Variants in ZNF516 observed in about 807,000 individuals in gnomAD.
The protein encoded by ZNF516 is zinc finger protein 516.
Under a neutral mutation model 79.7 loss-of-function variants are expected in ZNF516, and 19 were observed. The ratio of observed to expected loss-of-function variants is 0.24; its 90% confidence interval spans 0.17 to 0.35. The LOEUF (loss-of-function observed/expected upper bound fraction) is 0.35. Among genes scored for constraint, ZNF516 ranks in the 10% least tolerant of loss-of-function variants. ZNF516 has a pLI of 1.00. For synonymous variants in ZNF516, 877 were observed against 739.5 expected, an observed-to-expected ratio of 1.19 and a Z score of -3.02; for missense variants, 1,678 against 1,679.5, an observed-to-expected ratio of 1.00 and a Z score of 0.02.
chr18:76,474,130 C>T (rs1054380205), intron 1 of ZNF516, among the ~76,000 whole-genome samples: 1 of 151,968 alleles, frequency 6.6e-6, no homozygotes, highest in African/African-American at 2.4e-5. Flanking sequence ...CAGTGAATAC[C>T]TGAAAAGACA....
At chr18:76,408,389 C>T (rs2050187193) in intron 3 of ZNF516, among the ~76,000 whole-genome samples, 1 of 152,206 alleles carries the variant, frequency 6.6e-6, no homozygotes. Context: ...CAGCGACACA[C>T]TTGAGACCCT....
intron 3 of ZNF516, among the ~76,000 whole-genome samples, chr18:76,440,747 T>TGTGC (rs2075804824): frequency 1.4e-5 from 2 of 140,240 alleles, no homozygotes; most frequent in African/African-American, 5.5e-5. Context: ...TGTGTTTGTG[T>TGTGC]GTGTGTGTGT....
intron 1 of ZNF516, chr18:76,490,750 G>A (rs1915129426): frequency 2.0e-6 from 2 of 985,198 alleles, no homozygotes; most frequent in Non-Finnish European, 1.2e-6. Flanking sequence ...TGTGTAAGTA[G>A]GATCCCCACT....
chr18:76,450,138 G>A (rs9951967), intron 2 of ZNF516, among the ~76,000 whole-genome samples: 3,851 of 138,714 alleles, frequency 0.028, 67 homozygotes, highest in Middle Eastern at 0.044. Context: ...AGAGAGAGAC[G>A]GAGAGAAGGC....
intron 4 of ZNF516, among the ~76,000 whole-genome samples, chr18:76,376,258 G>A (rs1306835834): frequency 6.6e-6 from 1 of 152,182 alleles, no homozygotes; most frequent in Non-Finnish European, 1.5e-5. Context: ...CAGGTGCACT[G>A]ACCAAGTATC....
intron 1 of ZNF516, among the ~76,000 whole-genome samples, chr18:76,486,997 T>C (rs1374806115): frequency 6.6e-6 from 1 of 152,216 alleles, no homozygotes; most frequent in Admixed American, 6.5e-5. Context: ...TTTTTCCTAC[T>C]CTCCTGCTTG....
intron 3 of ZNF516, among the ~76,000 whole-genome samples, chr18:76,403,758 T>G (rs2075262694): frequency 6.6e-6 from 1 of 152,204 alleles, no homozygotes; most frequent in South Asian, 2.1e-4. Flanking sequence ...GCGAAACACA[T>G]TACAAGGGCC....
At chr18:76,486,596 G>C (rs909582841) in intron 1 of ZNF516, among the ~76,000 whole-genome samples, 7 of 149,642 alleles carry the variant, frequency 4.7e-5, no homozygotes, top group Non-Finnish European at 8.9e-5. Flanking sequence ...AAAAAAGCAA[G>C]AAAATAACAG....
chr18:76,438,682 A>AT (rs1236831860), intron 3 of ZNF516, among the ~76,000 whole-genome samples: 4 of 152,362 alleles, frequency 2.6e-5, no homozygotes, highest in South Asian at 4.1e-4. Context: ...AACATGTTCC[A>AT]TAAAAAAAAA....
intron 1 of ZNF516, chr18:76,490,708 C>A (rs1915125489): frequency 1.1e-6 from 1 of 931,778 alleles, no homozygotes; most frequent in Non-Finnish European, 1.3e-6. Context: ...AACTGCATGG[C>A]AGGCTGACGG....
At chr18:76,382,844 G>A (rs1417697810) in intron 3 of ZNF516, among the ~76,000 whole-genome samples, 1 of 152,106 alleles carries the variant, frequency 6.6e-6, no homozygotes. Context: ...TCAGGAGTTT[G>A]AGGACAGCCT....
chr18:76,398,146 C>G (rs184689996), intron 3 of ZNF516, among the ~76,000 whole-genome samples: 2 of 152,142 alleles, frequency 1.3e-5, no homozygotes, highest in African/African-American at 2.4e-5. Context: ...CATAAAGAAG[C>G]GTCGCTCAGG....
intron 1 of ZNF516, among the ~76,000 whole-genome samples, chr18:76,483,032 A>C (rs562588630): frequency 6.6e-6 from 1 of 152,178 alleles, no homozygotes; most frequent in Non-Finnish European, 1.5e-5. Context: ...TGAATTTACT[A>C]ATTTTTTTCC....
At chr18:76,436,652 A>G (rs557799757) in intron 3 of ZNF516, among the ~76,000 whole-genome samples, 1 of 152,136 alleles carries the variant, frequency 6.6e-6, no homozygotes, top group Non-Finnish European at 1.5e-5. Flanking sequence ...GAAGTACCAT[A>G]TAAAGGTTGC....
At chr18:76,384,429 G>A (rs1482814961) in intron 3 of ZNF516, among the ~76,000 whole-genome samples, 4 of 87,238 alleles carry the variant, frequency 4.6e-5, no homozygotes, top group South Asian at 5.0e-4. Flanking sequence ...CTCCCTCCAC[G>A]GTTCTCACGC....
intron 3 of ZNF516, chr18:76,389,188 TGTCAA>T (rs2075034006): frequency 1.3e-5 from 2 of 151,766 alleles, no homozygotes; most frequent in African/African-American, 4.9e-5. Context: ...GAGAATCATC[TGTCAA>T]GGTCACGAGC....
At chr18:76,378,529 G>C (rs1323197881) in intron 4 of ZNF516, among the ~76,000 whole-genome samples, 2 of 152,232 alleles carry the variant, frequency 1.3e-5, no homozygotes, top group Non-Finnish European at 2.9e-5. Context: ...TGCTCCTGCG[G>C]AATGTCGGTG....
Position 76,358,106 on chromosome 18 carries a change from C to CA in ZNF516, c.*4391dup, listed in dbSNP as rs1483170590. 6.6e-6 allele frequency: 1 copy of CA among 152,172 alleles called. No homozygotes were observed. The highest frequency in any genetic ancestry group is 2.4e-5 in the African/African-American group (1 of 41,436). 9.4% of individuals were successfully genotyped at this position (152,172 alleles called of 1,614,324 possible). ...AACACTTTGGTTTATGTTCAGCCAA[C>CA]AAAAATAAATAACCACAGACCAAAG... On this transcript the variant is annotated 3_prime_UTR_variant, in exon 7 of 7. Transcript: ENST00000443185.
At chr18:76,485,210 A>C (rs1914759920) in intron 1 of ZNF516, among the ~76,000 whole-genome samples, 1 of 152,232 alleles carries the variant, frequency 6.6e-6, no homozygotes, top group Non-Finnish European at 1.5e-5. Context: ...GTGTTACTCA[A>C]AGGGACAAAT....
Sources: gnomAD v4.1 joint callset for allele counts (sites outside exome capture counted in the v4.1 genomes callset) on GRCh38, gnomAD v4.1.1 for gene constraint, MANE v1.5 for transcripts, NCBI Gene and HGNC (gene_info 2026-07-23, HGNC 2026-07-21) for gene names.